The following PTPRM variants were observed in gnomAD, a reference collection of about 807,000 sequenced individuals.
PTPRM encodes the protein receptor-type tyrosine-protein phosphatase mu.
In PTPRM, 47 loss-of-function variants were observed where a neutral mutation model predicts 186.7. The ratio of observed to expected loss-of-function variants is 0.25; its 90% CI spans 0.20 to 0.32. The LOEUF (loss-of-function observed/expected upper bound fraction) is 0.32, where lower values mean the gene tolerates loss of function less well. PTPRM is among the 10% of genes least tolerant of loss of function. The probability of loss-of-function intolerance (pLI) is 1.00; values close to 1 mark genes in which losing one functional copy is unlikely to be tolerated. For synonymous variants in PTPRM, 668 were observed against 674.9 expected, an observed-to-expected ratio of 0.99 and a Z score of 0.16; for missense variants, 1,494 against 1,865.0, an observed-to-expected ratio of 0.80 and a Z score of 3.66.
At chr18:7,613,400 C>A (rs966956356) in intron 1 of PTPRM, among the ~76,000 whole-genome samples, 1 of 152,106 alleles carries the variant, frequency 6.6e-6, no homozygotes, top group Admixed American at 6.6e-5. Context: ...ACCGGCCAGG[C>A]GCGGTGGCTC....
chr18:7,956,582 C>T (rs1199363873), intron 7 of PTPRM, among the ~76,000 whole-genome samples: 1 of 152,146 alleles, frequency 6.6e-6, no homozygotes, highest in East Asian at 1.9e-4. Context: ...TTTCTCAGAC[C>T]CCACATCTGT....
chr18:8,046,032 G>A (rs929538435), intron 7 of PTPRM, among the ~76,000 whole-genome samples: 1 of 152,094 alleles, frequency 6.6e-6, no homozygotes, highest in Admixed American at 6.5e-5. Flanking sequence ...TAATCGGATC[G>A]TGGGGGCGGT....
Position 8,394,497 on chromosome 18 carries a change from G to A in PTPRM, c.4230G>A (p.Gly1410=). The part of the protein sequence containing the change: ...VHCLNGGGRS[G]TFCAISIVCE... ...ACAGGAACGGGGGAGGCCGCAGTGG[G>A]ACGTTCTGCGCCATCAGCATCGTAT... The change falls in exon 32 of 33, where the codon GGG becomes GGA. Residue 1410 remains glycine, a synonymous_variant. Coordinates refer to ENST00000580170, the MANE Select transcript of PTPRM (RefSeq NM_001105244.2). 6.2e-7 allele frequency: 1 copy of A among 1,612,780 alleles called. No homozygotes were observed. Among genetic ancestry groups the A allele is most frequent in the Non-Finnish European group, 8.5e-7 (1 of 1,179,424 alleles).
intron 7 of PTPRM, among the ~76,000 whole-genome samples, chr18:8,013,043 G>A (rs2147883244): frequency 6.6e-6 from 1 of 152,180 alleles, no homozygotes; most frequent in South Asian, 2.1e-4. Flanking sequence ...GAAGGGAGGG[G>A]AAGATGGAGG....
chr18:7,804,663 G>A (rs1347140942), intron 2 of PTPRM, among the ~76,000 whole-genome samples: 1 of 152,112 alleles, frequency 6.6e-6, no homozygotes, highest in Admixed American at 6.6e-5. Context: ...CAGCACAAAG[G>A]CTTTTGGTAA....
chr18:7,682,853 A>G (rs986551801), intron 1 of PTPRM, among the ~76,000 whole-genome samples: 12 of 152,096 alleles, frequency 7.9e-5, no homozygotes, highest in South Asian at 2.1e-4. Context: ...GGTGCAAGTT[A>G]TGCTGGCCAG....
chr18:8,376,487 T>C lies in PTPRM; in HGVS notation c.3352T>C (p.Phe1118Leu). Residue 1118 changes from phenylalanine to leucine, a missense_variant, in exon 26 of 33, where the codon TTC becomes CTC. Phe to Leu is a conservative substitution (Grantham distance 22). This residue lies in a region of PTPRM where 1,107 missense variants were observed against 1,350.2 expected (regional missense o/e 0.82). Transcript: ENST00000580170. ...CSAGAGRTGCFIVIDIMLDMA... is the reference protein window; with the variant it reads ...CSAGAGRTGCLIVIDIMLDMA... The stretch of plus-strand genomic sequence containing the variant: ...TGCTGGTGCAGGGAGGACTGGCTGT[T>C]TCATCGTCATTGATATCATGTTGGA... The C allele has an allele frequency of 6.2e-7, 1 of 1,614,124 alleles. No homozygotes were observed. The highest frequency in any genetic ancestry group is 1.1e-5 in the South Asian group (1 of 91,066).
intron 7 of PTPRM, among the ~76,000 whole-genome samples, chr18:8,033,649 A>C (rs970739737): frequency 6.6e-6 from 1 of 152,242 alleles, no homozygotes; most frequent in African/African-American, 2.4e-5. Context: ...CCACTGTCTT[A>C]TACACAGTTT....
intron 1 of PTPRM, among the ~76,000 whole-genome samples, chr18:7,694,000 C>G (rs1335805288): frequency 1.3e-5 from 2 of 152,180 alleles, no homozygotes; most frequent in African/African-American, 2.4e-5. Flanking sequence ...TACCTGACTA[C>G]TACTCAGTAG....
rs1598379609 is a variant in PTPRM, at chr18:8,343,902, T to C, written c.3054+382T>C. ...TCTAAAAACAGTGTGCAGCTCTAGA[T>C]TCAATCCTTAGATTAGAATTCCAGC... On this transcript the variant is annotated intron_variant, in intron 23 of 32. Transcript: ENST00000580170. Among the ~76,000 whole-genome samples the C allele has an allele frequency of 2.0e-5, 3 of 152,188 alleles. No homozygotes were observed. In the East Asian group the frequency reaches 5.8e-4, roughly 29 times the overall value.
Position 7,567,535 on chromosome 18 carries a change from G to A in PTPRM, c.-284G>A, listed in dbSNP as rs1421647303. On this transcript the variant is annotated 5_prime_UTR_variant, in exon 1 of 33. Coordinates refer to ENST00000580170, the MANE Select transcript of PTPRM (RefSeq NM_001105244.2). The surrounding 1 kb of genome is among the most constrained non-coding windows in gnomAD (Gnocchi z 4.3). ...GGCGAGCTCAGCAACCGGAACCGAG[G>A]GAAGATTTTGGCTCCGCGGGCTCGC... is the stretch of plus-strand genomic sequence containing the variant. 5.9e-6 allele frequency: 2 copies of A among 340,170 alleles called. No homozygotes were observed. Among genetic ancestry groups the A allele is most frequent in the Admixed American group, 4.9e-5 (1 of 20,330 alleles). The allele number at this position is 340,170 out of a possible 1,614,324, so 21.1% of individuals were successfully genotyped here.
rs2052763677 is a variant in PTPRM, at chr18:7,949,166, C to T, written c.664-15C>T. The T allele has an allele frequency of 1.3e-6, 2 of 1,579,126 alleles. No individual in the cohort carries two copies. Among genetic ancestry groups the T allele is most frequent in the Middle Eastern group, 1.7e-4 (1 of 5,956 alleles). On this transcript the variant is annotated splice_polypyrimidine_tract_variant and intron_variant, in intron 5 of 32. Coordinates refer to ENST00000580170, the MANE Select transcript of PTPRM (RefSeq NM_001105244.2). ...ATATTGCTTCTTTTTGTCCTCCCCA[C>T]CCCACTTGATACAGGGCATTGATGT...
intron 14 of PTPRM, among the ~76,000 whole-genome samples, chr18:8,216,965 C>T (rs1453508416): frequency 6.6e-6 from 1 of 152,192 alleles, no homozygotes; most frequent in Admixed American, 6.5e-5. Context: ...AGGTGTTGAA[C>T]TTTAGAACCA....
chr18:7,598,186 T>C (rs1012649131), intron 1 of PTPRM, among the ~76,000 whole-genome samples: 6 of 152,220 alleles, frequency 3.9e-5, no homozygotes, highest in Admixed American at 3.3e-4. Flanking sequence ...CAGTATTTCT[T>C]ATTCCAGAGC....
chr18:7,788,078 T>C (rs1311607664), intron 2 of PTPRM, among the ~76,000 whole-genome samples: 1 of 152,198 alleles, frequency 6.6e-6, no homozygotes, highest in African/African-American at 2.4e-5. Context: ...CCATGCTAAG[T>C]GATGAGCATA....
At chr18:7,608,579 A>G (rs1040617692) in intron 1 of PTPRM, among the ~76,000 whole-genome samples, 23 of 152,096 alleles carry the variant, frequency 1.5e-4, no homozygotes, top group Non-Finnish European at 1.6e-4. Context: ...GAGAAGTTGA[A>G]TGAAATTGGT....
chr18:7,983,460 CAG>C (rs894480504), intron 7 of PTPRM, among the ~76,000 whole-genome samples: 2 of 152,232 alleles, frequency 1.3e-5, no homozygotes, highest in African/African-American at 2.4e-5. Flanking sequence ...ACTCACCAGA[CAG>C]AGTCTTTGCC....
chr18:7,645,609 G>A (rs12607247), intron 1 of PTPRM, among the ~76,000 whole-genome samples: 18,114 of 152,230 alleles, frequency 0.12, 1,753 homozygotes, highest in African/African-American at 0.25. Context: ...AGCAATATAT[G>A]TGTGAGCTGT....
intron 7 of PTPRM, among the ~76,000 whole-genome samples, chr18:8,054,988 A>C (rs1173535960): frequency 6.6e-6 from 1 of 151,634 alleles, no homozygotes; most frequent in Non-Finnish European, 1.5e-5. Flanking sequence ...TGTTGTCTAG[A>C]ACTCTTTGTT....
Sources: allele counts gnomAD v4.1 joint callset (sites outside exome capture counted in the v4.1 genomes callset), GRCh38; gene constraint gnomAD v4.1.1; regional missense constraint gnomAD v4.1.1; non-coding constraint Gnocchi (gnomAD v3.1); transcripts MANE v1.5; gene names NCBI Gene and HGNC (gene_info 2026-07-23, HGNC 2026-07-21).